IL1RAPL1: variants seen among roughly 807,000 people sequenced by gnomAD.
The protein encoded by IL1RAPL1 is interleukin-1 receptor accessory protein-like 1.
Under a neutral mutation model 48.4 loss-of-function variants are expected in IL1RAPL1, and 3 were observed. The ratio of observed to expected loss-of-function variants is 0.06; its 90% CI spans 0.03 to 0.16. The LOEUF is 0.16. Ranked by LOEUF, IL1RAPL1 falls within the 10% of genes least tolerant of loss-of-function variation. The pLI, the probability that IL1RAPL1 is intolerant of heterozygous loss-of-function variation, is 1.00. For synonymous variants in IL1RAPL1, 185 were observed against 187.7 expected, an observed-to-expected ratio of 0.99 and a Z score of 0.12; for missense variants, 349 against 530.6, an observed-to-expected ratio of 0.66 and a Z score of 3.36.
intron 6 of IL1RAPL1, among the ~76,000 whole-genome samples, chrX:29,887,601 A>G (rs1932191957): frequency 8.9e-6 from 1 of 112,223 alleles, no homozygotes; most frequent in Non-Finnish European, 1.9e-5. Flanking sequence ...GTGTCACAGT[A>G]TTTTGATTTA....
chrX:29,644,115 C>G (rs1925248256), intron 5 of IL1RAPL1, among the ~76,000 whole-genome samples: 1 of 111,932 alleles, frequency 8.9e-6, no homozygotes, highest in African/African-American at 3.2e-5. Flanking sequence ...TTTGTTCTTT[C>G]CATTGCAAAT....
At position 29,216,382 on chromosome X, in the gene IL1RAPL1, A is replaced by G. The variant is rs984652728; in HGVS notation, c.83-66556A>G. ...TTTTTTTAATTTTTGTTTTGTAGAC[A>G]TGGAGTTTTGCCATGTTGCCTAGGC... is the stretch of plus-strand genomic sequence containing the variant. On this transcript the variant is annotated intron_variant, in intron 2 of 10. Transcript: ENST00000378993. 7.3e-5 allele frequency among the ~76,000 whole-genome samples: 8 copies of G among 110,140 alleles called. No homozygotes were observed. In the Admixed American group the frequency reaches 7.8e-4, roughly 11 times the overall value.
chrX:29,087,739 A>G (rs1927985978), intron 2 of IL1RAPL1, among the ~76,000 whole-genome samples: 1 of 112,485 alleles, frequency 8.9e-6, no homozygotes, highest in Non-Finnish European at 1.9e-5. Context: ...TTTAAGTTCA[A>G]AAAGTCTTCA....
intron 2 of IL1RAPL1, among the ~76,000 whole-genome samples, chrX:29,225,972 G>A (rs1421954955): frequency 1.8e-5 from 2 of 111,304 alleles, no homozygotes; most frequent in African/African-American, 3.3e-5. Flanking sequence ...GGGAGGGGGG[G>A]ACCATTAAGG....
chrX:28,732,271 AT>A (rs925906001), intron 1 of IL1RAPL1, among the ~76,000 whole-genome samples: 2 of 111,918 alleles, frequency 1.8e-5, no homozygotes, highest in Non-Finnish European at 3.8e-5. Context: ...ATTTTTAAAC[AT>A]TTTTTTAGCA....
chrX:28,838,635 C>T (rs757174932), intron 2 of IL1RAPL1, among the ~76,000 whole-genome samples: 14 of 110,181 alleles, frequency 1.3e-4, no homozygotes, highest in Non-Finnish European at 2.3e-4. Context: ...AAAACAAACT[C>T]GGGTTTTTGT....
intron 5 of IL1RAPL1, among the ~76,000 whole-genome samples, chrX:29,656,522 G>A (rs1925686671): frequency 9.0e-6 from 1 of 111,002 alleles, no homozygotes; most frequent in South Asian, 3.8e-4. Flanking sequence ...ACAATGTTTG[G>A]TTTTCTATTA....
At chrX:28,793,717 C>T (rs1189319232) in intron 2 of IL1RAPL1, among the ~76,000 whole-genome samples, 1 of 110,901 alleles carries the variant, frequency 9.0e-6, no homozygotes, top group Non-Finnish European at 1.9e-5. Context: ...TAGCACTTTG[C>T]GGGGACTAAA....
At chrX:29,177,581 C>T (rs149051031) in intron 2 of IL1RAPL1, among the ~76,000 whole-genome samples, 1,132 of 111,802 alleles carry the variant, frequency 0.01, 10 homozygotes, top group Non-Finnish European at 0.013. Context: ...GTTTAAGGTA[C>T]TGTATTGTTT....
chrX:29,917,680 T>C, intron 7 of IL1RAPL1, 84 bp downstream of exon 7: 1 of 869,229 alleles, frequency 1.2e-6, no homozygotes, highest in Non-Finnish European at 1.7e-6. Context: ...AAGGATTTTT[T>C]TTTGTTTTAC....
At chrX:29,887,192 G>GA (rs1447506192) in intron 6 of IL1RAPL1, among the ~76,000 whole-genome samples, 2 of 112,038 alleles carry the variant, frequency 1.8e-5, no homozygotes, top group African/African-American at 6.5e-5. Context: ...TGTAAAAGCA[G>GA]AAAAAATATT....
At chrX:29,879,701 T>C (rs1460324539) in intron 6 of IL1RAPL1, among the ~76,000 whole-genome samples, 1 of 110,252 alleles carries the variant, frequency 9.1e-6, no homozygotes, top group African/African-American at 3.3e-5. Flanking sequence ...TTGTTTAGAA[T>C]TGGTAAAGGT....
chrX:29,063,893 T>C (rs1927394075), intron 2 of IL1RAPL1, among the ~76,000 whole-genome samples: 1 of 112,116 alleles, frequency 8.9e-6, no homozygotes, highest in Non-Finnish European at 1.9e-5. Context: ...CCTATTTTTT[T>C]CCTATGTAAA....
chrX:29,064,464 G>A (rs1404002057), intron 2 of IL1RAPL1, among the ~76,000 whole-genome samples: 1 of 111,702 alleles, frequency 9.0e-6, no homozygotes, highest in African/African-American at 3.3e-5. Context: ...GGATTGGGAA[G>A]CTGGGGTTCA....
At chrX:29,485,830 G>A (rs1010428580) in intron 5 of IL1RAPL1, among the ~76,000 whole-genome samples, 2 of 111,050 alleles carry the variant, frequency 1.8e-5, no homozygotes, top group African/African-American at 6.6e-5. Context: ...TTCTCATTAG[G>A]CAGAACAGGC....
At chrX:28,893,402 A>G (rs1356433259) in intron 2 of IL1RAPL1, among the ~76,000 whole-genome samples, 3 of 111,402 alleles carry the variant, frequency 2.7e-5, no homozygotes, top group Non-Finnish European at 5.6e-5. Context: ...AGGCCGGTCC[A>G]TTATAGGACT....
At chrX:29,351,839 C>T (rs1933234895) in intron 3 of IL1RAPL1, among the ~76,000 whole-genome samples, 1 of 111,237 alleles carries the variant, frequency 9.0e-6, no homozygotes, top group African/African-American at 3.3e-5. Context: ...CTTCAAAATC[C>T]ATCCCTTTTT....
intron 5 of IL1RAPL1, among the ~76,000 whole-genome samples, chrX:29,614,415 G>C (rs150614648): frequency 9.0e-6 from 1 of 111,722 alleles, no homozygotes; most frequent in African/African-American, 3.3e-5. Context: ...AAAGTTATTC[G>C]TCTAAAATGA....
Position 29,027,946 on chromosome X carries a change from G to GTA in IL1RAPL1, c.82+238522_82+238523insAT, listed in dbSNP as rs1229310499. Among the ~76,000 whole-genome samples the GTA allele has an allele frequency of 1.4e-3, 149 of 109,368 alleles. 1 individual carries two copies. Among genetic ancestry groups the GTA allele is most frequent in the African/African-American group, 4.8e-3 (143 of 29,835 alleles). The allele number at this position is 109,368 out of a possible 115,157, so 95.0% of individuals were successfully genotyped here. ...TTTGTGTGTGTGTGTGTGTGTGTGT[G>GTA]TGTATATTATATATATATAAATGTA... On this transcript the variant is annotated intron_variant, in intron 2 of 10. Transcript: ENST00000378993.
Sources: gnomAD v4.1 joint callset for allele counts (sites outside exome capture counted in the v4.1 genomes callset) on GRCh38, gnomAD v4.1.1 for gene constraint, MANE v1.5 for transcripts, NCBI Gene and HGNC (gene_info 2026-07-23, HGNC 2026-07-21) for gene names.